GLB1: variants seen among roughly 807,000 people sequenced by gnomAD.
GLB1 encodes the protein galactosidase beta 1.
A neutral mutation model predicts 74.0 loss-of-function variants in GLB1; 56 were observed. The ratio of observed to expected loss-of-function variants is 0.76; its 90% CI spans 0.61 to 0.94. The LOEUF is 0.94. GLB1 is among the 40% of genes least tolerant of loss of function. The pLI is 0.00. For missense variants in GLB1, 787 were observed against 845.5 expected (o/e 0.93, Z 0.86); for synonymous variants, 323 against 323.6 (o/e 1.00, Z 0.02).
the GLB1 span, among the ~76,000 whole-genome samples, chr3:32,979,848 T>C: frequency 8.1e-6 from 1 of 123,054 alleles, no homozygotes; most frequent in Non-Finnish European, 1.6e-5. Context: ...TGAGACCCTG[T>C]CTCAAAAAAA....
chr3:33,060,027 TG>T (rs1699381229), intron 5 of GLB1, among the ~76,000 whole-genome samples: 1 of 152,154 alleles, frequency 6.6e-6, no homozygotes. Flanking sequence ...GGGAAGGGAA[TG>T]GGTAGAGGAT....
downstream of GLB1, among the ~76,000 whole-genome samples, chr3:32,993,225 T>G (rs6792585): frequency 0.054 from 8,158 of 152,256 alleles, 245 homozygotes; most frequent in Admixed American, 0.069. Context: ...AACAATTTCA[T>G]TCTGAATAAA....
chr3:33,030,575 G>A (rs980759945), intron 10 of GLB1: 104 of 985,330 alleles, frequency 1.1e-4, no homozygotes, highest in Non-Finnish European at 1.2e-4. Flanking sequence ...AGTGCAGGAT[G>A]ATCAATCAGC....
At chr3:33,036,339 T>A (rs1698275723) in intron 10 of GLB1, among the ~76,000 whole-genome samples, 1 of 152,112 alleles carries the variant, frequency 6.6e-6, no homozygotes, top group South Asian at 2.1e-4. Context: ...GCTAGAAGTA[T>A]GAGAGAATAA....
At chr3:33,065,398 A>C in intron 5 of GLB1, 65 bp downstream of exon 5, 1 of 1,537,978 alleles carries the variant, frequency 6.5e-7, no homozygotes, top group Non-Finnish European at 8.8e-7. Flanking sequence ...CACTTCTATC[A>C]TTTATGTAAT....
chr3:32,981,832 T>C, the GLB1 span, among the ~76,000 whole-genome samples: 1 of 152,202 alleles, frequency 6.6e-6, no homozygotes, highest in African/African-American at 2.4e-5. Context: ...AGTTTGTTTT[T>C]TGGTTTGTAT....
chr3:33,094,385 TGCCC>T, intron 1 of GLB1: 1 of 1,355,496 alleles, frequency 7.4e-7, no homozygotes, highest in Admixed American at 3.3e-5. Flanking sequence ...CACTTACATC[TGCCC>T]AACCCACCTT....
At chr3:32,989,347 C>T in the GLB1 span, among the ~76,000 whole-genome samples, 2 of 152,246 alleles carry the variant, frequency 1.3e-5, no homozygotes, top group South Asian at 2.1e-4. Flanking sequence ...TACCTTCTCT[C>T]TGCTCACTTC....
intron 10 of GLB1, among the ~76,000 whole-genome samples, chr3:33,028,231 T>C (rs1196152428): frequency 6.6e-6 from 1 of 152,220 alleles, no homozygotes; most frequent in Admixed American, 6.5e-5. Flanking sequence ...ATTGTTCCTA[T>C]TTTTGCTTCT....
chr3:33,034,171 C>A, intron 10 of GLB1: 1 of 630,028 alleles, frequency 1.6e-6, no homozygotes, highest in Non-Finnish European at 2.9e-6. Flanking sequence ...CAGGATATGA[C>A]TCCTCCGTGA....
rs1381981024 is a variant in GLB1 at position 33,080,896 on chromosome 3, T to C, written c.76-8183A>G. ...TGTGAGTCTGCACCTTGTTGTCTCA[T>C]GAATGTCAAATAGCAAGAACCTTAT... On this transcript the variant is annotated intron_variant, in intron 1 of 15. Coordinates refer to ENST00000307363, the MANE Select transcript of GLB1 (RefSeq NM_000404.4). Among the ~76,000 whole-genome samples the C allele has an allele frequency of 3.3e-5, 5 of 152,310 alleles. No homozygotes were observed. In the East Asian group the frequency reaches 9.7e-4, roughly 29 times the overall value.
chr3:33,081,845 A>G (rs1700334208), intron 1 of GLB1, among the ~76,000 whole-genome samples: 1 of 152,236 alleles, frequency 6.6e-6, no homozygotes, highest in Non-Finnish European at 1.5e-5. Flanking sequence ...AATCAGCAAG[A>G]GTACTGCTTG....
the GLB1 span, among the ~76,000 whole-genome samples, chr3:32,984,250 C>G: frequency 1.3e-3 from 203 of 152,000 alleles, no homozygotes; most frequent in African/African-American, 4.8e-3. Flanking sequence ...GGTACTTGTC[C>G]CTACACCCCC....
At chr3:33,088,418 T>C (rs1414555056) in intron 1 of GLB1, among the ~76,000 whole-genome samples, 1 of 148,928 alleles carries the variant, frequency 6.7e-6, no homozygotes, top group African/African-American at 2.5e-5. Flanking sequence ...CACAAACTGT[T>C]AGAACTAATA....
At chr3:33,078,181 C>T (rs1447911578) in intron 1 of GLB1, among the ~76,000 whole-genome samples, 2 of 152,088 alleles carry the variant, frequency 1.3e-5, no homozygotes, top group Non-Finnish European at 2.9e-5. Context: ...GAGGTCAAGG[C>T]GATGGTGAGA....
intron 1 of GLB1, chr3:33,091,082 C>T: frequency 1.0e-6 from 1 of 985,338 alleles, no homozygotes; most frequent in African/African-American, 1.7e-5. Flanking sequence ...CACCATCTAG[C>T]CCACCTGGTG....
intron 2 of GLB1, among the ~76,000 whole-genome samples, chr3:33,069,889 T>C (rs1699829343): frequency 6.6e-6 from 1 of 152,150 alleles, no homozygotes; most frequent in South Asian, 2.1e-4. Flanking sequence ...TCATGGGGGT[T>C]TGGTGTACAG....
chr3:33,023,131 C>T (rs546764917), intron 11 of GLB1, among the ~76,000 whole-genome samples: 34 of 152,282 alleles, frequency 2.2e-4, no homozygotes, highest in South Asian at 2.1e-3. Flanking sequence ...TTTTCCTTCA[C>T]GGTAAACAGA....
At chr3:33,075,614 G>A (rs889420642) in intron 1 of GLB1, among the ~76,000 whole-genome samples, 5 of 152,138 alleles carry the variant, frequency 3.3e-5, no homozygotes, top group Admixed American at 2.0e-4. Context: ...AGGTCGAGGC[G>A]GTAAAGTAAG....
Sources: allele counts gnomAD v4.1 joint callset (sites outside exome capture counted in the v4.1 genomes callset), GRCh38; gene constraint gnomAD v4.1.1; transcripts MANE v1.5; gene names NCBI Gene and HGNC (gene_info 2026-07-23, HGNC 2026-07-21).